Variants in SPCS2 observed in about 807,000 individuals in gnomAD.
SPCS2 encodes SPase 25 kDa subunit.
A neutral mutation model predicts 22.3 loss-of-function variants in SPCS2; 3 were observed. The observed-to-expected ratio is 0.13, with a 90% CI of 0.06 to 0.35. The LOEUF (loss-of-function observed/expected upper bound fraction) is 0.35. SPCS2 is among the 10% of genes least tolerant of loss of function. The probability of loss-of-function intolerance (pLI) is 1.00; values close to 1 mark genes in which losing one functional copy is unlikely to be tolerated. For synonymous variants in SPCS2, 67 were observed against 97.2 expected, an observed-to-expected ratio of 0.69 and a Z score of 1.83; for missense variants, 169 against 280.9, an observed-to-expected ratio of 0.60 and a Z score of 2.85.
intron 3 of SPCS2, among the ~76,000 whole-genome samples, chr11:74,967,159 C>A (rs769938283): frequency 9.9e-5 from 15 of 152,174 alleles, no homozygotes; most frequent in Non-Finnish European, 2.1e-4. Flanking sequence ...CCCCACATTT[C>A]CCCCAGAAGT....
At chr11:74,950,303 C>T (rs1948379318) in intron 1 of SPCS2, among the ~76,000 whole-genome samples, 1 of 152,184 alleles carries the variant, frequency 6.6e-6, no homozygotes, top group Admixed American at 6.5e-5. Context: ...AAATGAGGGA[C>T]TTAACTCTAA....
At chr11:74,955,963 A>G (rs908905561) in intron 1 of SPCS2, among the ~76,000 whole-genome samples, 1 of 145,594 alleles carries the variant, frequency 6.9e-6, no homozygotes. Flanking sequence ...TCAAATTTCA[A>G]TAGTAGTTTT....
chr11:74,967,695 GC>G (rs1269625947), intron 3 of SPCS2, among the ~76,000 whole-genome samples: 1 of 152,166 alleles, frequency 6.6e-6, no homozygotes, highest in East Asian at 1.9e-4. Context: ...GTCACAGTGA[GC>G]CGAGATCTGC....
At chr11:74,949,828 G>A (rs1051260823) in intron 1 of SPCS2, among the ~76,000 whole-genome samples, 4 of 152,122 alleles carry the variant, frequency 2.6e-5, no homozygotes, top group African/African-American at 9.7e-5. Context: ...ATTCCAAAGT[G>A]CTTCTTGTCC....
chr11:74,962,376 C>T (rs1435423391), intron 1 of SPCS2, among the ~76,000 whole-genome samples: 1 of 152,132 alleles, frequency 6.6e-6, no homozygotes, highest in African/African-American at 2.4e-5. Context: ...TGCAAACAAG[C>T]CTTGCTAAAG....
At chr11:74,970,324 T>C (rs1948577263) in intron 4 of SPCS2, among the ~76,000 whole-genome samples, 1 of 152,210 alleles carries the variant, frequency 6.6e-6, no homozygotes, top group Non-Finnish European at 1.5e-5. Flanking sequence ...TAATAGCAAA[T>C]GTTTATTGAA....
intron 2 of SPCS2, 35 bp from the exon 3 acceptor site, chr11:74,965,728 T>G (rs777837005): frequency 1.3e-6 from 2 of 1,560,078 alleles, no homozygotes; most frequent in Non-Finnish European, 1.8e-6. Context: ...GGAGGAAGTA[T>G]TCCTATTAGC....
chr11:74,964,510 T>C (rs1948532453), intron 1 of SPCS2, among the ~76,000 whole-genome samples: 1 of 152,222 alleles, frequency 6.6e-6, no homozygotes, highest in Non-Finnish European at 1.5e-5. Flanking sequence ...ATAAAAGTTG[T>C]TAGCTGACAA....
intron 1 of SPCS2, among the ~76,000 whole-genome samples, chr11:74,950,701 T>C (rs143181867): frequency 6.6e-6 from 1 of 152,296 alleles, no homozygotes; most frequent in African/African-American, 2.4e-5. Context: ...TATGCCTGAC[T>C]AATTTTTTTG....
In SPCS2 at chr11:74,969,697, A is replaced by C. The variant is rs1354100458; in HGVS notation, c.492A>C (p.Lys164Asn). 1.2e-6 allele frequency: 2 copies of C among 1,613,736 alleles called. No homozygotes were observed. Among genetic ancestry groups the C allele is most frequent in the Non-Finnish European group, 1.7e-6 (2 of 1,179,692 alleles). ...DDIWQLSSSL[K>N]RFDDKYTLKL... ...TTTGGCAGCTGTCCTCCAGTCTTAAAAGGTATGACTATCCTCACAGATTTT... is the reference window on the plus strand; with the variant it reads ...TTTGGCAGCTGTCCTCCAGTCTTAACAGGTATGACTATCCTCACAGATTTT... The change falls in exon 4 of 5, where the codon AAA becomes AAC. Residue 164 changes from lysine to asparagine, a missense_variant and splice_region_variant. Physicochemically the swap from Lys to Asn is moderately conservative, Grantham distance 94 (BLOSUM62 0). Coordinates refer to ENST00000263672, the MANE Select transcript of SPCS2 (RefSeq NM_014752.3).
chr11:74,968,766 C>T (rs185394236), intron 3 of SPCS2, among the ~76,000 whole-genome samples: 2 of 152,138 alleles, frequency 1.3e-5, no homozygotes, highest in East Asian at 3.9e-4. Flanking sequence ...CTCAAGTGAT[C>T]TGCCCACCTC....
chr11:74,951,600 C>T (rs186028306), intron 1 of SPCS2, among the ~76,000 whole-genome samples: 46 of 152,000 alleles, frequency 3.0e-4, no homozygotes, highest in African/African-American at 1.0e-3. Flanking sequence ...CACCTGAGGT[C>T]GGAAGTTCAA....
chr11:74,951,491 G>A (rs1591733703), intron 1 of SPCS2, among the ~76,000 whole-genome samples: 1 of 152,068 alleles, frequency 6.6e-6, no homozygotes, highest in Admixed American at 6.6e-5. Context: ...GAGAAATAGA[G>A]TGAACCCTGC....
intron 1 of SPCS2, among the ~76,000 whole-genome samples, chr11:74,962,632 G>T (rs1749438830): frequency 6.6e-6 from 1 of 151,666 alleles, no homozygotes; most frequent in Non-Finnish European, 1.5e-5. Context: ...TAGTTGATGA[G>T]CAGTTTTTGA....
chr11:74,964,487 T>A (rs1397573885), intron 1 of SPCS2, among the ~76,000 whole-genome samples: 1 of 152,222 alleles, frequency 6.6e-6, no homozygotes, highest in African/African-American at 2.4e-5. Context: ...AGTTAAGACA[T>A]GCTGGTAAAA....
At chr11:74,965,622 AC>A in intron 2 of SPCS2, 140 bp from the exon 3 acceptor site, 1 of 651,968 alleles carries the variant, frequency 1.5e-6, no homozygotes, top group East Asian at 2.9e-5. Flanking sequence ...CTTGAGTTTT[AC>A]TTGTTTGGTG....
At chr11:74,965,318 G>A (rs567819549) in intron 2 of SPCS2, 57 of 448,766 alleles carry the variant, frequency 1.3e-4, no homozygotes, top group African/African-American at 1.1e-3. Context: ...GTATACATAT[G>A]TAACAAACCT....
chr11:74,953,398 G>A (rs559353836), intron 1 of SPCS2, among the ~76,000 whole-genome samples: 2 of 152,084 alleles, frequency 1.3e-5, no homozygotes, highest in South Asian at 4.2e-4. Context: ...TCACCATGTT[G>A]GCCAGGCTGG....
chr11:74,965,659 T>C, intron 2 of SPCS2, 104 bp from the exon 3 acceptor site: 1 of 977,140 alleles, frequency 1.0e-6, no homozygotes, highest in Non-Finnish European at 1.5e-6. Context: ...TGGAGGGAAC[T>C]ACTTGGTAAT....
Sources: gnomAD v4.1 joint callset for allele counts (sites outside exome capture counted in the v4.1 genomes callset) on GRCh38, gnomAD v4.1.1 for gene constraint, MANE v1.5 for transcripts, NCBI Gene and HGNC (gene_info 2026-07-23, HGNC 2026-07-21) for gene names.